Variants in APTX observed in about 807,000 individuals in gnomAD.
APTX encodes forkhead-associated domain histidine triad-like protein.
A neutral mutation model predicts 42.3 loss-of-function variants in APTX; 33 were observed. The observed-to-expected ratio is 0.78, with a 90% CI of 0.59 to 1.04. APTX has a LOEUF of 1.04. Ranked by LOEUF, APTX falls within the 50% of genes least tolerant of loss-of-function variation. The probability of loss-of-function intolerance (pLI) is 0.00; values close to 1 mark genes in which losing one functional copy is unlikely to be tolerated. For missense variants in APTX, 421 were observed against 415.1 expected, an observed-to-expected ratio of 1.01 and a Z score of -0.12; for synonymous variants, 130 against 146.7, an observed-to-expected ratio of 0.89 and a Z score of 0.82.
chr9:32,987,111 G>A (rs768197644), intron 4 of APTX, among the ~76,000 whole-genome samples: 1 of 152,222 alleles, frequency 6.6e-6, no homozygotes, highest in Non-Finnish European at 1.5e-5. Flanking sequence ...ACTGCACCCA[G>A]CCAGCCTTCC....
At chr9:32,998,650 C>G (rs796562473) in intron 1 of APTX, among the ~76,000 whole-genome samples, 6 of 151,896 alleles carry the variant, frequency 4.0e-5, no homozygotes, top group African/African-American at 1.4e-4. Context: ...TGTTCTCACT[C>G]ATAAGTGGGA....
In APTX at chr9:32,973,584, G is replaced by A. The variant is rs1402872218; in HGVS notation, c.943C>T (p.Leu315=). ...VRDGMPELLK[L]PLRCHECQQL... is the part of the protein sequence containing the mutation. Reference sequence around the variant, plus strand: ...TGGCACTCATGACAACGAAGGGGCAGCTTCAAGAGCTCAGGCATCCCATCT... The same window carrying A: ...TGGCACTCATGACAACGAAGGGGCAACTTCAAGAGCTCAGGCATCCCATCT... Residue 315 remains leucine, a synonymous_variant, in exon 8 of 8, where the codon CTG becomes TTG. Transcript: ENST00000379817. The A allele has an allele frequency of 1.2e-6, 2 of 1,613,872 alleles. No individual in the cohort carries two copies. The highest frequency in any genetic ancestry group is 2.2e-5 in the South Asian group (2 of 91,056).
chr9:33,022,872 TG>T (rs1337437293), intron 1 of APTX, among the ~76,000 whole-genome samples: 2 of 152,228 alleles, frequency 1.3e-5, no homozygotes, highest in Non-Finnish European at 2.9e-5. Context: ...GACAGGGTAT[TG>T]CTCTGTCGTC....
rs753323827 is a variant in APTX at position 32,984,728 on chromosome 9, T to C, written c.673A>G (p.Lys225Glu). The C allele has an allele frequency of 6.2e-7, 1 of 1,614,154 alleles. No homozygotes were observed. The highest frequency in any genetic ancestry group is 8.5e-7 in the Non-Finnish European group (1 of 1,180,028). The change falls in exon 6 of 8, where the codon AAG becomes GAG. Residue 225 changes from lysine to glutamate, a missense_variant. Transcript: ENST00000379817. ...TTTTCCCCCACAGTGTGCATATGCT[T>C]AAGGAGTTCAAGGTGTTCCCTGGCC... ...AVAREHLELL[K>E]HMHTVGEKVI... is the part of the protein sequence containing the mutation.
At chr9:32,989,618 G>A (rs748235749) in intron 2 of APTX, 141 bp downstream of exon 2, 213 of 1,278,420 alleles carry the variant, frequency 1.7e-4, no homozygotes, top group Admixed American at 4.2e-4. Context: ...GGGCCCTGGT[G>A]TTGGCTAAAA....
intron 1 of APTX, among the ~76,000 whole-genome samples, chr9:33,020,555 G>T (rs556696487): frequency 2.0e-5 from 3 of 152,258 alleles, no homozygotes; most frequent in African/African-American, 4.8e-5. Flanking sequence ...CTAAAACAAG[G>T]GTTACTGTGA....
chr9:32,973,711 C>CAAAAA, intron 7 of APTX, 59 bp from the exon 8 acceptor site: 1 of 1,331,630 alleles, frequency 7.5e-7, no homozygotes, highest in Non-Finnish European at 1.0e-6. Flanking sequence ...TATGAGATAC[C>CAAAAA]AAAAAAAAAA....
rs758066834 is a variant in APTX at position 32,987,760 on chromosome 9, C to T, written c.267G>A (p.Met89Ile). ...VKLQPGQVLH[M>I]VNELYPYIVE... ...CAATATATGGATAAAGTTCATTCACCATGTGGAGAACCTGGCCAGGCTGCA... is the reference window on the plus strand; with the variant it reads ...CAATATATGGATAAAGTTCATTCACTATGTGGAGAACCTGGCCAGGCTGCA... Residue 89 changes from methionine (M) to isoleucine (I), a missense_variant, in exon 4 of 8, where the codon ATG becomes ATA. By Grantham distance (10) the Met-to-Ile change is conservative. Transcript: ENST00000379817. 9 of 1,614,044 alleles carry T rather than the reference C, an allele frequency of 5.6e-6. No homozygotes were observed. Among genetic ancestry groups the T allele is most frequent in the African/African-American group, 2.7e-5 (2 of 74,906 alleles).
chr9:33,011,576 C>T (rs775894479), intron 1 of APTX, among the ~76,000 whole-genome samples: 3 of 152,142 alleles, frequency 2.0e-5, no homozygotes, highest in African/African-American at 4.8e-5. Flanking sequence ...TGAGCCACCG[C>T]GCCCGCCCGA....
chr9:32,977,343 A>C (rs967291842), intron 6 of APTX, among the ~76,000 whole-genome samples: 2 of 152,064 alleles, frequency 1.3e-5, no homozygotes, highest in African/African-American at 2.4e-5. Flanking sequence ...TTAATCAGCC[A>C]GGCATGGTGG....
chr9:33,007,020 A>AAAAAAAAAAAAAAAAAG (rs1837205264), intron 1 of APTX, among the ~76,000 whole-genome samples: 1 of 134,590 alleles, frequency 7.4e-6, no homozygotes, highest in Non-Finnish European at 1.5e-5. Flanking sequence ...AAAAAAAAAA[A>AAAAAAAAAAAAAAAAAG]AAAGAAAGAA....
At chr9:33,019,769 T>C (rs1729982310) in intron 1 of APTX, 2 of 591,608 alleles carry the variant, frequency 3.4e-6, no homozygotes, top group Non-Finnish European at 5.8e-6. Context: ...GTCGAGAAAG[T>C]TGATAAGGGA....
rs1828818304 is a variant in APTX at position 32,974,394 on chromosome 9, CA to C, written c.874+63del. The C allele has an allele frequency of 6.4e-6, 7 of 1,101,114 alleles. No individual in the cohort carries two copies. The Admixed American group carries it at 1.1e-4, about 17-fold the overall frequency. The allele number at this position is 1,101,114 out of a possible 1,614,324, so 68.2% of individuals were successfully genotyped here. On this transcript the variant is annotated intron_variant, in intron 7 of 7. Coordinates refer to ENST00000379817, the MANE Select transcript of APTX (RefSeq NM_001195248.2). ...TCAGACTGTTATTCAGGGAAACAAC[CA>C]AATCAAATATAAGAACAGCTCAGAA...
At chr9:33,019,792 GC>G in intron 1 of APTX, 1 of 612,728 alleles carries the variant, frequency 1.6e-6, no homozygotes, top group Non-Finnish European at 2.8e-6. Flanking sequence ...TTCGGAGCAG[GC>G]AACAGTCTTC....
chr9:32,996,037 A>C (rs1003396986), intron 1 of APTX, among the ~76,000 whole-genome samples: 4 of 152,284 alleles, frequency 2.6e-5, no homozygotes, highest in African/African-American at 9.6e-5. Context: ...GACTATTAGC[A>C]ATTTTTAGCA....
At chr9:32,979,593 C>T (rs1830244343) in intron 6 of APTX, 1 of 155,064 alleles carries the variant, frequency 6.4e-6, no homozygotes, top group Non-Finnish European at 1.5e-5. Context: ...TCATTACAGA[C>T]AACGAATGTT....
rs1310040146 is a variant in APTX at position 32,972,931 on chromosome 9, A to AG, written c.*566dup. The AG allele has an allele frequency of 1.5e-5, 7 of 454,016 alleles. No homozygotes were observed. Among genetic ancestry groups the AG allele is most frequent in the Non-Finnish European group, 2.6e-5 (6 of 226,792 alleles). The allele number at this position is 454,016 out of a possible 1,614,324, so 28.1% of individuals were successfully genotyped here. A position where few individuals can be genotyped will look rare whatever the true frequency, so the allele number is the denominator to read the frequency against. On this transcript the variant is annotated 3_prime_UTR_variant, in exon 8 of 8. Transcript: ENST00000379817. ...CTTTTCTCACTGTGAAGAACTGATG[A>AG]GACAGAATTCCTGAGAAGGGAACAT... is the stretch of plus-strand genomic sequence containing the variant.
intron 1 of APTX, among the ~76,000 whole-genome samples, chr9:32,990,579 T>C (rs1270609191): frequency 6.6e-6 from 1 of 152,122 alleles, no homozygotes; most frequent in African/African-American, 2.4e-5. Flanking sequence ...TGGAGTGCAG[T>C]AGGACAGACA....
rs902087787 is a variant in APTX at position 33,017,802 on chromosome 9, T to C, written c.-5+7221A>G. Among the ~76,000 whole-genome samples the C allele has an allele frequency of 2.6e-5, 4 of 152,008 alleles. No homozygotes were observed. The East Asian group carries it at 7.7e-4, about 29-fold the overall frequency. On this transcript the variant is annotated intron_variant, in intron 1 of 6. Coordinates refer to the APTX transcript ENST00000436040. ...GTTTTTTTATTGAGGCTTCATTAGGTAAGCATGATTGATTAGGCCATTGCC... is the reference window on the plus strand; with the variant it reads ...GTTTTTTTATTGAGGCTTCATTAGGCAAGCATGATTGATTAGGCCATTGCC...
Sources: gnomAD v4.1 joint callset for allele counts (sites outside exome capture counted in the v4.1 genomes callset) on GRCh38, gnomAD v4.1.1 for gene constraint, MANE v1.5 for transcripts, NCBI Gene and HGNC (gene_info 2026-07-23, HGNC 2026-07-21) for gene names.